The following NTRK3 variants were observed in gnomAD, a reference collection of about 807,000 sequenced individuals.
The protein encoded by NTRK3 is NT-3 growth factor receptor.
In NTRK3, 24 loss-of-function variants were observed where a neutral mutation model predicts 91.7. That is an observed-to-expected ratio of 0.26 (90% CI 0.19 to 0.37). The LOEUF is 0.37. Among genes scored for constraint, NTRK3 ranks in the 10% least tolerant of loss-of-function variants. NTRK3 has a pLI of 1.00. For synonymous variants in NTRK3, 483 were observed against 404.0 expected, an observed-to-expected ratio of 1.20 and a Z score of -2.34; for missense variants, 880 against 1,068.9, an observed-to-expected ratio of 0.82 and a Z score of 2.46.
intron 10 of NTRK3, among the ~76,000 whole-genome samples, chr15:88,129,746 T>A (rs1004726027): frequency 1.3e-5 from 2 of 152,296 alleles, no homozygotes; most frequent in East Asian, 3.9e-4. Flanking sequence ...GGGATCTCAA[T>A]AGCCAAATGT....
intron 13 of NTRK3, among the ~76,000 whole-genome samples, chr15:88,077,897 T>G (rs2047691240): frequency 6.6e-6 from 1 of 152,188 alleles, no homozygotes. Flanking sequence ...CACAGCCAAC[T>G]GAGGACAGAG....
chr15:87,884,560 A>G (rs1327980685), intron 17 of NTRK3, among the ~76,000 whole-genome samples: 1 of 151,772 alleles, frequency 6.6e-6, no homozygotes, highest in African/African-American at 2.4e-5. Context: ...AGTTATCTAT[A>G]TGTGTGTAAA....
At chr15:88,034,851 A>G (rs2078930920) in intron 13 of NTRK3, among the ~76,000 whole-genome samples, 2 of 152,204 alleles carry the variant, frequency 1.3e-5, no homozygotes, top group Non-Finnish European at 2.9e-5. Context: ...CACAATAATC[A>G]CTTGCCTTGC....
intron 14 of NTRK3, among the ~76,000 whole-genome samples, chr15:87,971,981 G>A (rs776703551): frequency 6.6e-6 from 1 of 152,212 alleles, no homozygotes; most frequent in Non-Finnish European, 1.5e-5. Flanking sequence ...GGTAGTGTGA[G>A]CTTTGGAGTG....
exon 9 of NTRK3, chr15:88,135,942 G>A (rs770041052): frequency 2.7e-5 from 44 of 1,614,074 alleles, no homozygotes; most frequent in South Asian, 1.6e-4. Context: ...TGCCCACCAC[G>A]TTCTCTGCAA....
chr15:88,018,346 C>T (rs982500126), intron 14 of NTRK3, among the ~76,000 whole-genome samples: 1 of 152,156 alleles, frequency 6.6e-6, no homozygotes, highest in African/African-American at 2.4e-5. Flanking sequence ...TGAAAGTCTC[C>T]AAGATCTCCC....
At chr15:88,209,474 T>C (rs2049060915) in intron 3 of NTRK3, among the ~76,000 whole-genome samples, 1 of 152,238 alleles carries the variant, frequency 6.6e-6, no homozygotes, top group African/African-American at 2.4e-5. Flanking sequence ...ATTCACATCC[T>C]ATACTTGAGA....
chr15:88,076,730 C>T (rs2047579131), intron 13 of NTRK3, among the ~76,000 whole-genome samples: 3 of 145,730 alleles, frequency 2.1e-5, no homozygotes, highest in South Asian at 2.2e-4. Context: ...AGGAAAAGTA[C>T]AGTGTACTAT....
intron 5 of NTRK3, among the ~76,000 whole-genome samples, chr15:88,182,936 C>G (rs367978030): frequency 5.3e-5 from 8 of 152,156 alleles, no homozygotes; most frequent in East Asian, 3.9e-4. Context: ...TTCCACTTCT[C>G]TGAGCTTTTC....
chr15:88,136,326 T>A, intron 8 of NTRK3, 141 bp downstream of exon 8: 1 of 1,150,542 alleles, frequency 8.7e-7, no homozygotes, highest in Non-Finnish European at 1.3e-6. Flanking sequence ...GCGAAATGGC[T>A]AGAAAATATT....
chr15:87,946,068 T>C (rs1163498955), intron 14 of NTRK3: 1 of 152,188 alleles, frequency 6.6e-6, no homozygotes, highest in Non-Finnish European at 1.5e-5. Flanking sequence ...TCAATACCTA[T>C]CTTGCAAATA....
chr15:88,255,971 A>G lies in NTRK3; in HGVS notation c.183T>C (p.Asp61=), dbSNP rs750016507. 2.4e-5 allele frequency: 38 copies of G among 1,612,778 alleles called. No individual in the cohort carries two copies. The Admixed American group carries it at 3.8e-4, about 16-fold the overall frequency. ...TGGCGTTCCCATTGCTGTTCCCTGAATCCTGCCCTTCCAGGAGGGGGAAGA... is the reference window on the plus strand; with the variant it reads ...TGGCGTTCCCATTGCTGTTCCCTGAGTCCTGCCCTTCCAGGAGGGGGAAGA... The change falls in exon 3 of 19, where the codon GAT becomes GAC. Residue 61 remains aspartate, a synonymous_variant. Coordinates refer to ENST00000394480, the Ensembl canonical transcript of NTRK3. The surrounding 1 kb of genome is among the most constrained non-coding windows in gnomAD (Gnocchi z 4.3).
chr15:87,885,545 G>C (rs2065487404), intron 17 of NTRK3, 149 bp downstream of exon 18: 1 of 417,750 alleles, frequency 2.4e-6, no homozygotes, highest in Non-Finnish European at 4.3e-6. Flanking sequence ...TTGGCATAGG[G>C]TAGACAAATT....
At chr15:88,112,768 T>G (rs2051557517) in intron 13 of NTRK3, among the ~76,000 whole-genome samples, 1 of 152,164 alleles carries the variant, frequency 6.6e-6, no homozygotes, top group Admixed American at 6.5e-5. Flanking sequence ...ACCTGAGCTA[T>G]TTCTATAGCA....
At chr15:88,236,125 T>C (rs1198203239) in intron 3 of NTRK3, among the ~76,000 whole-genome samples, 1 of 152,100 alleles carries the variant, frequency 6.6e-6, no homozygotes, top group African/African-American at 2.4e-5. Flanking sequence ...AAGCCTACGT[T>C]CACAAAAAGG....
At chr15:88,228,499 C>G (rs140154375) in intron 3 of NTRK3, among the ~76,000 whole-genome samples, 47 of 152,302 alleles carry the variant, frequency 3.1e-4, no homozygotes, top group Non-Finnish European at 5.6e-4. Flanking sequence ...CCTCTGGGAG[C>G]TGTGGTAATT....
At chr15:87,874,882 G>T (rs1429876677) in exon 19 of NTRK3, 1 of 232,046 alleles carries the variant, frequency 4.3e-6, no homozygotes, top group African/African-American at 2.2e-5. Flanking sequence ...TTCCTGCAAA[G>T]TCCTCAGGGG....
At chr15:87,977,277 G>T (rs1323401357) in intron 14 of NTRK3, 8 of 176,258 alleles carry the variant, frequency 4.5e-5, no homozygotes, top group African/African-American at 1.9e-4. Context: ...AGAGTAACAG[G>T]AAAACAGGAA....
intron 3 of NTRK3, among the ~76,000 whole-genome samples, chr15:88,230,483 G>T (rs2051086053): frequency 6.6e-6 from 1 of 152,172 alleles, no homozygotes; most frequent in Non-Finnish European, 1.5e-5. Flanking sequence ...AAAAGTCATT[G>T]CCTTCTCTGT....
Sources: allele counts gnomAD v4.1 joint callset (sites outside exome capture counted in the v4.1 genomes callset), GRCh38; gene constraint gnomAD v4.1.1; non-coding constraint Gnocchi (gnomAD v3.1); transcripts MANE v1.5; gene names NCBI Gene and HGNC (gene_info 2026-07-23, HGNC 2026-07-21).